SDCBP2: variants seen among roughly 807,000 people sequenced by gnomAD.
SDCBP2 encodes syntenin-2.
In SDCBP2, 28 loss-of-function variants were observed where a neutral mutation model predicts 30.7. The observed-to-expected ratio is 0.91, with a 90% confidence interval of 0.68 to 1.25. SDCBP2 has a LOEUF of 1.25. SDCBP2 is among the 50% of genes most tolerant of loss of function. The probability of loss-of-function intolerance (pLI) is 0.00; values close to 1 mark genes in which losing one functional copy is unlikely to be tolerated. For synonymous variants in SDCBP2, 166 were observed against 157.3 expected (o/e 1.06, Z -0.41); for missense variants, 399 against 379.0 (o/e 1.05, Z -0.44).
intron 2 of SDCBP2, among the ~76,000 whole-genome samples, chr20:1,319,931 C>G (rs989822668): frequency 2.6e-5 from 4 of 152,212 alleles, no homozygotes; most frequent in African/African-American, 9.6e-5. Flanking sequence ...GGCCCATCTC[C>G]CAATCAAGTT....
In SDCBP2 at chr20:1,320,938, T is replaced by G. The variant is rs1474443547; in HGVS notation, c.-19-503A>C. ...GTGGGGAAGGAGCAGTCTGCCTTTC[T>G]GGGTTCCTTCCCTTTACTCACTAAC... On this transcript the variant is annotated intron_variant, in intron 1 of 8. Coordinates refer to ENST00000360779, the MANE Select transcript of SDCBP2 (RefSeq NM_080489.5). The surrounding 1 kb of genome is among the most constrained non-coding windows in gnomAD (Gnocchi z 4.7). 1 of 152,648 alleles carries G rather than the reference T, an allele frequency of 6.6e-6. No individual in the cohort carries two copies. Among genetic ancestry groups the G allele is most frequent in the Non-Finnish European group, 1.5e-5 (1 of 68,328 alleles). 9.5% of individuals were successfully genotyped at this position (152,648 alleles called of 1,614,324 possible). A position where few individuals can be genotyped will look rare whatever the true frequency, so the allele number is the denominator to read the frequency against.
chr20:1,317,262 C>A (rs192832524), intron 4 of SDCBP2, among the ~76,000 whole-genome samples: 3 of 152,262 alleles, frequency 2.0e-5, no homozygotes, highest in Non-Finnish European at 1.5e-5. Context: ...TGATAGTGTA[C>A]TATAGCTATG....
intron 1 of SDCBP2, chr20:1,325,820 C>T (rs140541634): frequency 2.6e-5 from 4 of 152,180 alleles, no homozygotes; most frequent in Admixed American, 6.5e-5. Flanking sequence ...CTTCCTCCCC[C>T]GTTTCTCACC....
In SDCBP2 at chr20:1,318,398, C is replaced by G. The variant is rs773636897; in HGVS notation, c.145G>C (p.Glu49Gln). The change falls in exon 4 of 9, where the codon GAA becomes CAA. Residue 49 changes from glutamate to glutamine, a missense_variant. Glu to Gln is a conservative substitution (Grantham distance 29). Coordinates refer to ENST00000360779, the MANE Select transcript of SDCBP2 (RefSeq NM_080489.5). ...GAAAGACCCATATAATTTTCCAGTT[C>G]TGCCAAGTTTGGGTACAAAACTGAT... is the stretch of plus-strand genomic sequence containing the variant. ...PPPVLYPNLA[E>Q]LENYMGLSLS... 6 of 1,603,440 alleles carry G rather than the reference C, an allele frequency of 3.7e-6. No homozygotes were observed. In the African/African-American group the frequency reaches 6.7e-5, roughly 18 times the overall value.
At chr20:1,328,556 A>G (rs2088966343) in intron 1 of SDCBP2, among the ~76,000 whole-genome samples, 1 of 152,146 alleles carries the variant, frequency 6.6e-6, no homozygotes, top group Non-Finnish European at 1.5e-5. Flanking sequence ...ATGTCCTTCC[A>G]TTCTCCTGAC....
chr20:1,322,823 G>C (rs747344600), intron 1 of SDCBP2: 2 of 152,144 alleles, frequency 1.3e-5, no homozygotes, highest in African/African-American at 2.4e-5. Context: ...TGCCCGCTTC[G>C]GTCCCCCAAA....
intron 3 of SDCBP2, chr20:1,319,385 A>C: frequency 1.7e-6 from 1 of 584,288 alleles, no homozygotes. Context: ...CAGCATGGGC[A>C]CAGGCTCTGG....
At chr20:1,314,496 A>G (rs2088741458) in intron 4 of SDCBP2, among the ~76,000 whole-genome samples, 1 of 148,006 alleles carries the variant, frequency 6.8e-6, no homozygotes, top group Non-Finnish European at 1.5e-5. Context: ...CTCAAAAAAA[A>G]AAAAAAAAAA....
Position 1,313,493 on chromosome 20 carries a change from C to G in SDCBP2, c.231G>C (p.Ala77=). The change falls in exon 5 of 9, where the codon GCG becomes GCC. Residue 77 remains alanine, a synonymous_variant. Coordinates refer to ENST00000360779, the MANE Select transcript of SDCBP2 (RefSeq NM_080489.5). This position sits in a 1 kb window ranked among gnomAD's most constrained non-coding sequence, Gnocchi z 5.2. ...LLQIPEGDST[A]VSGPGPGQMV... is the part of the protein sequence containing the mutation. ...TCTGGCCGGGCCCGGGGCCCGAGAC[C>G]GCTGTCTGCAGACACCAGGGGGCAG... is the stretch of plus-strand genomic sequence containing the variant. 1 of 1,587,932 alleles carries G rather than the reference C, an allele frequency of 6.3e-7. No homozygotes were observed. The highest frequency in any genetic ancestry group is 8.5e-7 in the Non-Finnish European group (1 of 1,171,350).
intron 5 of SDCBP2, chr20:1,312,980 T>G (rs949844399): frequency 1.6e-6 from 1 of 606,596 alleles, no homozygotes; most frequent in Non-Finnish European, 2.9e-6. Context: ...AACCCTGGCC[T>G]GGGGCTGCAC....
Position 1,312,286 on chromosome 20 carries a change from T to C in SDCBP2, c.732+51A>G. 2.5e-6 allele frequency: 4 copies of C among 1,582,440 alleles called. No homozygotes were observed. The South Asian group carries it at 4.6e-5, about 18-fold the overall frequency. On this transcript the variant is annotated intron_variant, in intron 7 of 8. Transcript: ENST00000360779. The stretch of plus-strand genomic sequence containing the variant: ...GGGGTAAGCAAGCTGCCCAAAGACC[T>C]GAGCCCTCCCACCACCCGGCAGTCC...
Position 1,320,489 on chromosome 20 carries a change from A to C in SDCBP2, c.-19-54T>G. 7.2e-7 allele frequency: 1 copy of C among 1,397,700 alleles called. No homozygotes were observed. The highest frequency in any genetic ancestry group is 1.0e-6 in the Non-Finnish European group (1 of 1,000,956). 86.6% of individuals were successfully genotyped at this position (1,397,700 alleles called of 1,614,324 possible). A position where few individuals can be genotyped will look rare whatever the true frequency, so the allele number is the denominator to read the frequency against. On this transcript the variant is annotated intron_variant, in intron 1 of 8. Coordinates refer to ENST00000360779, the MANE Select transcript of SDCBP2 (RefSeq NM_080489.5). This position sits in a 1 kb window ranked among gnomAD's most constrained non-coding sequence, Gnocchi z 4.7. Reference sequence around the variant, plus strand: ...AAGGATGCAGCTGATGCCCCCTTGAAAGGAGGCACAGACATCCGCAACAGC... The same window carrying C: ...AAGGATGCAGCTGATGCCCCCTTGACAGGAGGCACAGACATCCGCAACAGC...
At chr20:1,315,629 C>T (rs6041356) in intron 4 of SDCBP2, among the ~76,000 whole-genome samples, 51,160 of 151,970 alleles carry the variant, frequency 0.34, 8,848 homozygotes, top group East Asian at 0.56. Context: ...AAAAATTAAC[C>T]CAAATTCAAT....
At chr20:1,314,300 G>A (rs866302269) in intron 4 of SDCBP2, among the ~76,000 whole-genome samples, 6 of 151,798 alleles carry the variant, frequency 4.0e-5, no homozygotes, top group Non-Finnish European at 8.8e-5. Flanking sequence ...ACTAGCCTGG[G>A]CAACTGTTGA....
At chr20:1,322,352 T>C (rs565937542) in intron 1 of SDCBP2, 41 of 152,278 alleles carry the variant, frequency 2.7e-4, no homozygotes, top group Middle Eastern at 6.8e-3. Context: ...TCTACCTCCT[T>C]AGGAGTTCCA....
chr20:1,317,927 C>A, intron 4 of SDCBP2: 1 of 348,054 alleles, frequency 2.9e-6, no homozygotes, highest in Non-Finnish European at 5.7e-6. Flanking sequence ...GGAATTGAGC[C>A]TTGTTGTTTA....
chr20:1,313,798 A>C lies in SDCBP2; in HGVS notation c.226-300T>G, dbSNP rs1284611123. On this transcript the variant is annotated intron_variant, in intron 4 of 8. Transcript: ENST00000360779. The surrounding 1 kb of genome is among the most constrained non-coding windows in gnomAD (Gnocchi z 5.2). ...GGCATCAGGAAAAGCCTCCTTTAAAACCCACTTAAAATAGAAAAAGTCACA... is the reference window on the plus strand; with the variant it reads ...GGCATCAGGAAAAGCCTCCTTTAAACCCCACTTAAAATAGAAAAAGTCACA... The C allele has an allele frequency of 1.1e-5, 3 of 268,500 alleles. No homozygotes were observed. The highest frequency in any genetic ancestry group is 2.3e-5 in the African/African-American group (1 of 43,586). The allele number at this position is 268,500 out of a possible 1,614,324, so 16.6% of individuals were successfully genotyped here.
intron 4 of SDCBP2, chr20:1,317,974 T>G (rs892208288): frequency 2.4e-5 from 9 of 368,496 alleles, no homozygotes; most frequent in Non-Finnish European, 4.2e-5. Context: ...GCTCCTGCCC[T>G]CTCGGCTCTG....
intron 4 of SDCBP2, among the ~76,000 whole-genome samples, chr20:1,316,051 G>A (rs535334197): frequency 4.6e-5 from 7 of 152,268 alleles, no homozygotes; most frequent in Non-Finnish European, 1.0e-4. Context: ...GCAGTGACCC[G>A]TGATCGCACC....
Sources: gnomAD v4.1 joint callset for allele counts (sites outside exome capture counted in the v4.1 genomes callset) on GRCh38, gnomAD v4.1.1 for gene constraint, Gnocchi (gnomAD v3.1) non-coding constraint, MANE v1.5 for transcripts, NCBI Gene and HGNC (gene_info 2026-07-23, HGNC 2026-07-21) for gene names.